Variants in PCLO observed in about 807,000 individuals in gnomAD.
PCLO encodes piccolo presynaptic cytomatrix protein, also known as protein piccolo.
In PCLO, 82 loss-of-function variants were observed where a neutral mutation model predicts 427.5. The ratio of observed to expected loss-of-function variants is 0.19; its 90% confidence interval spans 0.16 to 0.23. The LOEUF is 0.23. Among genes scored for constraint, PCLO ranks in the 10% least tolerant of loss-of-function variants. The pLI, the probability that PCLO is intolerant of heterozygous loss-of-function variation, is 1.00. For missense variants in PCLO, 6,239 were observed against 6,115.9 expected, an observed-to-expected ratio of 1.02 and a Z score of -0.67; for synonymous variants, 2,357 against 2,155.4, an observed-to-expected ratio of 1.09 and a Z score of -2.59.
chr7:82,776,020 G>T (rs1790741668), intron 22 of PCLO, among the ~76,000 whole-genome samples: 1 of 151,990 alleles, frequency 6.6e-6, no homozygotes, highest in Non-Finnish European at 1.5e-5. Context: ...TGTATTTATG[G>T]TTACTTACTG....
chr7:82,966,380 A>T lies in PCLO; in HGVS notation c.3408T>A (p.Pro1136=). 1 of 1,613,626 alleles carries T rather than the reference A, an allele frequency of 6.2e-7. No homozygotes were observed. The highest frequency in any genetic ancestry group is 8.5e-7 in the Non-Finnish European group (1 of 1,179,596). ...ATGATGATTCTGTAGGAACAGGCAT[A>T]GGAGATGCTTTGGGTCCTGATGGTG... The part of the protein sequence containing the change: ...PPAPSGPKAS[P]MPVPTESSSQ... The change falls in exon 4 of 25, where the codon CCT becomes CCA. Residue 1136 remains proline (P), a synonymous_variant. Coordinates refer to ENST00000333891, the MANE Select transcript of PCLO (RefSeq NM_033026.6).
rs771296877 is a variant in PCLO, at chr7:83,155,831, T to G, written c.810A>C (p.Ala270=). 3 of 1,613,958 alleles carry G rather than the reference T, an allele frequency of 1.9e-6. No individual in the cohort carries two copies. In the South Asian group the frequency reaches 3.3e-5, roughly 18 times the overall value. Reference sequence around the variant, plus strand: ...ATGCATCTCGTTGAAGTGGCAATTTTGCATGGTCTGTCTGAGGAGTCTGGG... The same window carrying G: ...ATGCATCTCGTTGAAGTGGCAATTTGGCATGGTCTGTCTGAGGAGTCTGGG... ...GPTQTPQTDH[A]KLPLQRDASR... The change falls in exon 2 of 25, where the codon GCA becomes GCC. Residue 270 remains alanine, a synonymous_variant. Coordinates refer to ENST00000333891, the MANE Select transcript of PCLO (RefSeq NM_033026.6).
intron 3 of PCLO, among the ~76,000 whole-genome samples, chr7:83,070,046 T>C (rs994467424): frequency 6.6e-6 from 1 of 152,072 alleles, no homozygotes; most frequent in Non-Finnish European, 1.5e-5. Flanking sequence ...GGGATATCAC[T>C]TCTGAGATTA....
In PCLO at chr7:82,984,553, T is replaced by C. The variant is rs113564820; in HGVS notation, c.3301-18066A>G. On this transcript the variant is annotated intron_variant, in intron 3 of 24. Transcript: ENST00000333891. The stretch of plus-strand genomic sequence containing the variant: ...CATAACTCCAGAGACACTGTCATTA[T>C]TGTAATAAACTTGAGGAACAAAAGT... Among the ~76,000 whole-genome samples, 338 of 151,988 alleles carry C rather than the reference T, an allele frequency of 2.2e-3. 2 individuals are homozygous for C. Among genetic ancestry groups the C allele is most frequent in the Middle Eastern group, 0.01 (3 of 294 alleles).
intron 3 of PCLO, among the ~76,000 whole-genome samples, chr7:83,083,375 G>T (rs1316773020): frequency 3.9e-5 from 6 of 151,916 alleles, no homozygotes; most frequent in African/African-American, 1.2e-4. Flanking sequence ...TACACAAAAA[G>T]TGAGCAATAC....
chr7:83,016,231 T>A (rs2116025596), intron 3 of PCLO, among the ~76,000 whole-genome samples: 1 of 152,000 alleles, frequency 6.6e-6, no homozygotes, highest in East Asian at 1.9e-4. Context: ...AAAATAAAAT[T>A]GAATAATGCA....
chr7:82,953,754 T>C lies in PCLO; in HGVS notation c.7199A>G (p.Asp2400Gly). 1 of 1,548,640 alleles carries C rather than the reference T, an allele frequency of 6.5e-7. No individual in the cohort carries two copies. Among genetic ancestry groups the C allele is most frequent in the South Asian group, 1.2e-5 (1 of 84,408 alleles). The part of the protein sequence containing the change: ...PRPFFRSSSL[D>G]ISAQPPPPPP... ...AGGGGGAGGAGGTTGAGCTGATATATCCAAAGAAGAACTTCTAAAGAATGG... is the reference window on the plus strand; with the variant it reads ...AGGGGGAGGAGGTTGAGCTGATATACCCAAAGAAGAACTTCTAAAGAATGG... Residue 2400 changes from aspartate (D) to glycine (G), a missense_variant, in exon 5 of 25, where the codon GAT becomes GGT. Physicochemically the swap from Asp to Gly is moderately conservative, Grantham distance 94. Transcript: ENST00000333891.
At chr7:83,004,979 C>G (rs963144965) in intron 3 of PCLO, among the ~76,000 whole-genome samples, 2 of 151,338 alleles carry the variant, frequency 1.3e-5, no homozygotes, top group Non-Finnish European at 3.0e-5. Flanking sequence ...TGATATATCA[C>G]CTTACACCTG....
At chr7:82,784,636 C>T (rs1790944519) in intron 22 of PCLO, among the ~76,000 whole-genome samples, 1 of 152,152 alleles carries the variant, frequency 6.6e-6, no homozygotes, top group South Asian at 2.1e-4. Context: ...CAACCAAAGG[C>T]AACCAGTCTT....
At chr7:82,995,949 A>C (rs1401974327) in intron 3 of PCLO, among the ~76,000 whole-genome samples, 1 of 151,844 alleles carries the variant, frequency 6.6e-6, no homozygotes, top group Non-Finnish European at 1.5e-5. Context: ...AATAAAATAT[A>C]TGTTTATCAT....
chr7:82,804,560 A>T (rs2129468786), intron 21 of PCLO, among the ~76,000 whole-genome samples: 1 of 152,290 alleles, frequency 6.6e-6, no homozygotes, highest in East Asian at 1.9e-4. Flanking sequence ...GGAGAAAATG[A>T]AAAAGACCCT....
At chr7:83,140,560 C>A (rs1368003848) in intron 2 of PCLO, among the ~76,000 whole-genome samples, 2 of 152,140 alleles carry the variant, frequency 1.3e-5, no homozygotes, top group Non-Finnish European at 2.9e-5. Flanking sequence ...GTTATGTTCA[C>A]AAACATTTTT....
intron 3 of PCLO, among the ~76,000 whole-genome samples, chr7:83,124,174 G>A (rs539411299): frequency 3.5e-4 from 53 of 151,230 alleles, no homozygotes; most frequent in Admixed American, 1.3e-3. Context: ...AAAATTAGCC[G>A]GGTGCAGTGG....
At chr7:83,046,335 A>C (rs1026037884) in intron 3 of PCLO, among the ~76,000 whole-genome samples, 1 of 152,098 alleles carries the variant, frequency 6.6e-6, no homozygotes, top group Admixed American at 6.6e-5. Flanking sequence ...GGCAAGTCCT[A>C]AAATGAATAC....
At chr7:82,891,546 G>A (rs1793766227) in intron 9 of PCLO, among the ~76,000 whole-genome samples, 1 of 151,616 alleles carries the variant, frequency 6.6e-6, no homozygotes, top group South Asian at 2.1e-4. Flanking sequence ...CTGCCTGATT[G>A]TCCTAGCCAG....
chr7:82,950,635 T>C lies in PCLO; in HGVS notation c.9953A>G (p.Tyr3318Cys), dbSNP rs376865880. 4.3e-6 allele frequency: 7 copies of C among 1,613,874 alleles called. No individual in the cohort carries two copies. The highest frequency in any genetic ancestry group is 1.6e-4 in the Middle Eastern group (1 of 6,062). The part of the protein sequence containing the change: ...EEQKIRQIYQ[Y>C]NYDPSGTASP... ...AGCAGTTCCAGAAGGGTCATAGTTA[T>C]ACTGGTAGATCTGCCGAATCTTTTG... Residue 3318 changes from tyrosine (Y) to cysteine (C), a missense_variant, in exon 6 of 25, where the codon TAT (tyrosine) becomes TGT (cysteine). This residue lies in a region of PCLO where 4,677 missense variants were observed against 4,468.4 expected (regional missense o/e 1.05). Transcript: ENST00000333891.
intron 22 of PCLO, among the ~76,000 whole-genome samples, chr7:82,773,437 A>G (rs886596145): frequency 3.9e-5 from 6 of 152,174 alleles, no homozygotes; most frequent in African/African-American, 1.4e-4. Flanking sequence ...CAAATGTTCC[A>G]TTGGTCCATT....
chr7:82,852,106 C>A (rs1390684607), intron 10 of PCLO, among the ~76,000 whole-genome samples: 1 of 151,894 alleles, frequency 6.6e-6, no homozygotes, highest in Non-Finnish European at 1.5e-5. Flanking sequence ...AAGGAAAAAA[C>A]TAGTATTTGA....
intron 3 of PCLO, among the ~76,000 whole-genome samples, chr7:83,105,967 T>C (rs750936768): frequency 2.0e-5 from 3 of 152,150 alleles, no homozygotes; most frequent in Non-Finnish European, 2.9e-5. Flanking sequence ...GAGTACAGAA[T>C]AGTTCTCAAA....
Sources: allele counts gnomAD v4.1 joint callset (sites outside exome capture counted in the v4.1 genomes callset), GRCh38; gene constraint gnomAD v4.1.1; regional missense constraint gnomAD v4.1.1; transcripts MANE v1.5; gene names NCBI Gene and HGNC (gene_info 2026-07-23, HGNC 2026-07-21).